PRR16: variants seen among roughly 807,000 people sequenced by gnomAD.
PRR16 encodes the protein protein Largen.
Under a neutral mutation model 18.2 loss-of-function variants are expected in PRR16, and 6 were observed. The ratio of observed to expected loss-of-function variants is 0.33; its 90% CI spans 0.18 to 0.65. The LOEUF (loss-of-function observed/expected upper bound fraction) is 0.65. Ranked by LOEUF, PRR16 falls within the 30% of genes least tolerant of loss-of-function variation. PRR16 has a pLI of 0.74. For missense variants in PRR16, 412 were observed against 376.6 expected (o/e 1.09, Z -0.78); for synonymous variants, 151 against 147.8 (o/e 1.02, Z -0.16).
chr5:120,731,551 T>C, the PRR16 span, among the ~76,000 whole-genome samples: 6 of 152,158 alleles, frequency 3.9e-5, no homozygotes, highest in South Asian at 4.1e-4. Flanking sequence ...TGAAGGCTTG[T>C]TTCCACCCCT....
At chr5:120,777,510 T>C in the PRR16 span, among the ~76,000 whole-genome samples, 2 of 152,152 alleles carry the variant, frequency 1.3e-5, no homozygotes, top group Admixed American at 1.3e-4. Context: ...CCTTCCTTTT[T>C]GCTCACTTTT....
intron 1 of PRR16, among the ~76,000 whole-genome samples, chr5:120,616,847 A>C (rs1448980532): frequency 6.6e-6 from 1 of 152,154 alleles, no homozygotes; most frequent in Non-Finnish European, 1.5e-5. Context: ...TGATTGACTG[A>C]TCAATACTCA....
In PRR16 at chr5:120,541,784, A is replaced by G. The variant is rs545568845; in HGVS notation, c.159+77139A>G. On this transcript the variant is annotated intron_variant, in intron 1 of 1. Coordinates refer to ENST00000407149, the MANE Select transcript of PRR16 (RefSeq NM_001300783.2). The stretch of plus-strand genomic sequence containing the variant: ...CCTGCCAGTATAACTGGGGTCATAC[A>G]ACTTTCAGGGCTTAAATAGGCTTTG... 3.1e-3 allele frequency among the ~76,000 whole-genome samples: 471 copies of G among 152,240 alleles called. 1 individual carries two copies. Among genetic ancestry groups the G allele is most frequent in the African/African-American group, 0.011 (445 of 41,530 alleles).
chr5:120,643,230 T>C (rs958735895), intron 1 of PRR16, among the ~76,000 whole-genome samples: 1 of 152,026 alleles, frequency 6.6e-6, no homozygotes, highest in African/African-American at 2.4e-5. Context: ...CCTTTTCAAA[T>C]TGTTTGAGAC....
chr5:120,589,062 C>T, intron 1 of PRR16, among the ~76,000 whole-genome samples: 1 of 151,794 alleles, frequency 6.6e-6, no homozygotes, highest in East Asian at 1.9e-4. Flanking sequence ...ATTTTATGAT[C>T]TATAAAGTAG....
the PRR16 span, among the ~76,000 whole-genome samples, chr5:120,772,375 T>C: frequency 5.3e-5 from 8 of 152,248 alleles, no homozygotes; most frequent in Middle Eastern, 3.4e-3. Flanking sequence ...TCTCTTTTGT[T>C]TACTACTGTA....
At chr5:120,655,593 A>G (rs147534625) in intron 1 of PRR16, among the ~76,000 whole-genome samples, 335 of 151,982 alleles carry the variant, frequency 2.2e-3, no homozygotes, top group Non-Finnish European at 3.2e-3. Flanking sequence ...TCTTTACTCA[A>G]TTTGTCTTAT....
chr5:120,635,573 T>TTA (rs1401010494), intron 1 of PRR16, among the ~76,000 whole-genome samples: 20 of 152,194 alleles, frequency 1.3e-4, no homozygotes, highest in African/African-American at 4.8e-4. Context: ...CAGCATCCCT[T>TTA]TATAATTAAA....
the PRR16 span, among the ~76,000 whole-genome samples, chr5:120,712,383 T>C: frequency 6.6e-6 from 1 of 152,148 alleles, no homozygotes; most frequent in Non-Finnish European, 1.5e-5. Context: ...CCTACAGCTA[T>C]ACGTTTCTTT....
intron 1 of PRR16, among the ~76,000 whole-genome samples, chr5:120,479,331 A>T (rs1166359358): frequency 6.6e-6 from 1 of 152,122 alleles, no homozygotes; most frequent in Non-Finnish European, 1.5e-5. Context: ...CTCTGTCTTT[A>T]AAGACCATGC....
At chr5:120,665,506 A>G (rs999441907) in intron 1 of PRR16, among the ~76,000 whole-genome samples, 10 of 152,014 alleles carry the variant, frequency 6.6e-5, no homozygotes, top group African/African-American at 1.7e-4. Flanking sequence ...TGTTGCTTTT[A>G]GTGTTTTAGA....
the PRR16 span, among the ~76,000 whole-genome samples, chr5:120,742,778 A>G: frequency 6.6e-6 from 1 of 152,228 alleles, no homozygotes; most frequent in Admixed American, 6.5e-5. Context: ...GTCCACAATG[A>G]GTCTCATGGA....
the PRR16 span, among the ~76,000 whole-genome samples, chr5:120,788,299 T>C: frequency 0.27 from 40,671 of 151,804 alleles, 5,846 homozygotes; most frequent in Non-Finnish European, 0.32. Flanking sequence ...AAATAATAGA[T>C]TGAAGTTTTA....
chr5:120,580,829 T>C (rs926153026), intron 1 of PRR16, among the ~76,000 whole-genome samples: 32 of 152,234 alleles, frequency 2.1e-4, no homozygotes, highest in Admixed American at 2.0e-3. Context: ...ATTACATTTA[T>C]TGATTTGCAT....
the PRR16 span, among the ~76,000 whole-genome samples, chr5:120,792,273 A>G: frequency 8.5e-5 from 13 of 152,350 alleles, no homozygotes; most frequent in East Asian, 2.3e-3. Flanking sequence ...CTTCAGCAGG[A>G]TAACTCCAGT....
At chr5:120,650,143 G>A (rs1374550101) in intron 1 of PRR16, among the ~76,000 whole-genome samples, 1 of 151,182 alleles carries the variant, frequency 6.6e-6, no homozygotes, top group Non-Finnish European at 1.5e-5. Context: ...GCTTGAACCC[G>A]GAAGTGGAGG....
At chr5:120,745,517 C>A in the PRR16 span, among the ~76,000 whole-genome samples, 1 of 151,854 alleles carries the variant, frequency 6.6e-6, no homozygotes, top group Admixed American at 6.6e-5. Flanking sequence ...TTAGGAATTG[C>A]GTGAAGCATT....
intron 1 of PRR16, among the ~76,000 whole-genome samples, chr5:120,606,296 G>T (rs1053538223): frequency 3.3e-5 from 5 of 152,144 alleles, no homozygotes; most frequent in Non-Finnish European, 7.4e-5. Context: ...CAGAGCTGAG[G>T]AAACAGAGCA....
rs539829718 is a variant in PRR16 at position 120,593,229 on chromosome 5, A to AT, written c.160-92718dup. ...CAAAAGATGAAGAAATCTAGAATTG[A>AT]TTTTTTTGAAAAAACTAATAAGATA... On this transcript the variant is annotated intron_variant, in intron 1 of 1. Coordinates refer to ENST00000407149, the MANE Select transcript of PRR16 (RefSeq NM_001300783.2). 4.8e-3 allele frequency among the ~76,000 whole-genome samples: 724 copies of AT among 152,056 alleles called. 4 individuals carry two copies. Among genetic ancestry groups the AT allele is most frequent in the African/African-American group, 0.016 (670 of 41,518 alleles).
Sources: gnomAD v4.1 joint callset for allele counts (sites outside exome capture counted in the v4.1 genomes callset) on GRCh38, gnomAD v4.1.1 for gene constraint, MANE v1.5 for transcripts, NCBI Gene and HGNC (gene_info 2026-07-23, HGNC 2026-07-21) for gene names.